Variants in AGK observed in about 807,000 individuals in gnomAD.
AGK encodes acylglycerol kinase.
A neutral mutation model predicts 66.4 loss-of-function variants in AGK; 52 were observed. The ratio of observed to expected loss-of-function variants is 0.78; its 90% confidence interval spans 0.63 to 0.99. AGK has a LOEUF of 0.99. Among genes scored for constraint, AGK ranks in the 50% least tolerant of loss-of-function variants. The pLI is 0.00. For synonymous variants in AGK, 182 were observed against 181.1 expected (o/e 1.00, Z -0.04); for missense variants, 451 against 506.6 (o/e 0.89, Z 1.05).
At position 141,649,629 on chromosome 7, in the gene AGK, C is replaced by G. The variant is rs568316149; in HGVS notation, c.1046+296C>G. On this transcript the variant is annotated intron_variant, in intron 14 of 15. Coordinates refer to ENST00000649286, the MANE Select transcript of AGK (RefSeq NM_018238.4). ...GAACTTTGGTTTCAGGGTCAAAGAG[C>G]TGAATGCAAATTTTGATTCTGCCAC... Among the ~76,000 whole-genome samples the G allele has an allele frequency of 4.6e-5, 7 of 152,330 alleles. No individual in the cohort carries two copies. The East Asian group carries it at 7.7e-4, about 17-fold the overall frequency.
chr7:141,638,182 T>C (rs970341546), intron 11 of AGK, among the ~76,000 whole-genome samples: 13 of 152,056 alleles, frequency 8.5e-5, no homozygotes, highest in African/African-American at 2.7e-4. Context: ...AAATCAGCAG[T>C]TTGGCAAGTG....
chr7:141,593,132 G>T lies in AGK; in HGVS notation c.102-14G>T. 1 of 1,608,554 alleles carries T rather than the reference G, an allele frequency of 6.2e-7. No homozygotes were observed. The highest frequency in any genetic ancestry group is 8.5e-7 in the Non-Finnish European group (1 of 1,177,154). ...TTAAAGCTAATGATTATTCTCTTTT[G>T]CTTACTTTGATAGTGATAACCTCCT... On this transcript the variant is annotated splice_polypyrimidine_tract_variant and intron_variant, in intron 2 of 15. Coordinates refer to ENST00000649286, the MANE Select transcript of AGK (RefSeq NM_018238.4).
At chr7:141,599,263 A>G (rs1693987040) in intron 4 of AGK, 1 of 152,156 alleles carries the variant, frequency 6.6e-6, no homozygotes, top group Non-Finnish European at 1.5e-5. Context: ...AAGAAATAAG[A>G]TAACTGTGTG....
In AGK at chr7:141,580,436, G is replaced by A. The variant is rs546499557; in HGVS notation, c.102-12710G>A. ...TGGGGAAATTGGGTGAATGTCAGGT[G>A]GATCAGAGAGATACAGTCATGGGGG... On this transcript the variant is annotated intron_variant, in intron 2 of 15. Coordinates refer to ENST00000649286, the MANE Select transcript of AGK (RefSeq NM_018238.4). 6.6e-5 allele frequency among the ~76,000 whole-genome samples: 10 copies of A among 152,110 alleles called. No homozygotes were observed. The South Asian group carries it at 2.1e-3, about 32-fold the overall frequency.
intron 8 of AGK, among the ~76,000 whole-genome samples, chr7:141,617,222 T>C (rs1796726055): frequency 6.6e-6 from 1 of 152,166 alleles, no homozygotes; most frequent in South Asian, 2.1e-4. Context: ...CATATGTCAT[T>C]GATCCAAGGG....
chr7:141,615,612 G>A lies in AGK; in HGVS notation c.518+47G>A, dbSNP rs1796687053. On this transcript the variant is annotated intron_variant, in intron 8 of 15. Transcript: ENST00000649286. Reference sequence around the variant, plus strand: ...TTAGCATTTGTGGGTGAGCGAGACTGGGAATGAAAAATTTATGTGTATGCT... The same window carrying A: ...TTAGCATTTGTGGGTGAGCGAGACTAGGAATGAAAAATTTATGTGTATGCT... The A allele has an allele frequency of 4.8e-6, 7 of 1,472,374 alleles. No individual in the cohort carries two copies. The Middle Eastern group carries it at 5.2e-4, about 110-fold the overall frequency. 91.2% of individuals were successfully genotyped at this position (1,472,374 alleles called of 1,614,324 possible).
chr7:141,567,084 T>G (rs1157134877), intron 2 of AGK, among the ~76,000 whole-genome samples: 1 of 152,214 alleles, frequency 6.6e-6, no homozygotes, highest in African/African-American at 2.4e-5. Context: ...TCTTGGCCCA[T>G]ATCCTTTTAG....
intron 5 of AGK, among the ~76,000 whole-genome samples, chr7:141,603,758 C>T (rs1398181097): frequency 3.0e-4 from 45 of 152,126 alleles, no homozygotes; most frequent in Admixed American, 2.9e-3. Flanking sequence ...CTCACGTCTC[C>T]AAGTTGATGC....
intron 13 of AGK, among the ~76,000 whole-genome samples, chr7:141,642,798 T>C (rs146769930): frequency 1.2e-3 from 180 of 152,334 alleles, no homozygotes; most frequent in Non-Finnish European, 2.2e-3. Flanking sequence ...TTCACAAATA[T>C]ATTGTCTGTG....
chr7:141,557,078 C>T (rs1412478739), intron 2 of AGK, among the ~76,000 whole-genome samples: 1 of 152,142 alleles, frequency 6.6e-6, no homozygotes, highest in Non-Finnish European at 1.5e-5. Context: ...TAAATGACTG[C>T]TTTGTTGAAC....
chr7:141,615,416 T>G (rs1409043614), intron 7 of AGK, 55 bp from the exon 8 acceptor site: 37 of 1,468,220 alleles, frequency 2.5e-5, no homozygotes, highest in Non-Finnish European at 3.4e-5. Flanking sequence ...GCTTCTCCAT[T>G]AAGCCTGATT....
At chr7:141,563,330 C>CTGAA (rs750758192) in intron 2 of AGK, among the ~76,000 whole-genome samples, 2 of 152,210 alleles carry the variant, frequency 1.3e-5, no homozygotes, top group Non-Finnish European at 2.9e-5. Context: ...TCTCCTGGCC[C>CTGAA]TTCAGTAGCT....
intron 2 of AGK, among the ~76,000 whole-genome samples, chr7:141,580,737 G>T (rs1329442042): frequency 6.6e-6 from 1 of 152,040 alleles, no homozygotes; most frequent in Non-Finnish European, 1.5e-5. Flanking sequence ...AAAACAGTAA[G>T]GTCAAGTTGT....
At chr7:141,632,756 C>T (rs911604450) in intron 9 of AGK, among the ~76,000 whole-genome samples, 13 of 152,228 alleles carry the variant, frequency 8.5e-5, no homozygotes, top group African/African-American at 3.1e-4. Flanking sequence ...TCCCTTGTCC[C>T]TTACTAAAGC....
At chr7:141,569,441 G>A (rs1015246046) in intron 2 of AGK, among the ~76,000 whole-genome samples, 2 of 152,144 alleles carry the variant, frequency 1.3e-5, no homozygotes, top group Non-Finnish European at 2.9e-5. Context: ...GGTTGAGGCA[G>A]GAGAATTGTT....
Position 141,641,837 on chromosome 7 carries a change from G to A in AGK, c.904G>A (p.Val302Ile). 1 of 1,584,106 alleles carries A rather than the reference G, an allele frequency of 6.3e-7. No homozygotes were observed. Among genetic ancestry groups the A allele is most frequent in the Non-Finnish European group, 8.6e-7 (1 of 1,164,272 alleles). ...DALSQEVSPE[V>I]WKDVQLSTIE... ...CCTTTCCCAAGAGGTGAGCCCGGAG[G>A]TCTGGAAAGATGTGCAGCTGTCCAC... The change falls in exon 13 of 16, where the codon GTC (valine) becomes ATC (isoleucine). Residue 302 changes from valine (V) to isoleucine (I), a missense_variant. Physicochemically the swap from Val to Ile is conservative, Grantham distance 29. Transcript: ENST00000649286.
intron 2 of AGK, among the ~76,000 whole-genome samples, chr7:141,580,602 A>G (rs1453848976): frequency 1.3e-5 from 2 of 152,032 alleles, no homozygotes; most frequent in Non-Finnish European, 2.9e-5. Context: ...GGTGTGAGGA[A>G]GAAAATAGAT....
In AGK at chr7:141,598,591, G is replaced by A. The variant is rs1325294431; in HGVS notation, c.221+1950G>A. Among the ~76,000 whole-genome samples, 1 of 152,186 alleles carries A rather than the reference G, an allele frequency of 6.6e-6. No homozygotes were observed. Among genetic ancestry groups the A allele is most frequent in the East Asian group, 1.9e-4 (1 of 5,194 alleles). On this transcript the variant is annotated intron_variant, in intron 4 of 15. Coordinates refer to ENST00000649286, the MANE Select transcript of AGK (RefSeq NM_018238.4). This position sits in a 1 kb window ranked among gnomAD's most constrained non-coding sequence, Gnocchi z 4.2. ...GGAATAGGGACCTTTGGTATTAAAT[G>A]AGATAATGCTTATTAGGCACTATTT...
intron 2 of AGK, among the ~76,000 whole-genome samples, chr7:141,560,266 C>T (rs2116854094): frequency 1.3e-5 from 2 of 151,758 alleles, no homozygotes; most frequent in East Asian, 1.9e-4. Context: ...TTGTTGCCCT[C>T]CCTCCGTTTT....
Sources: gnomAD v4.1 joint callset for allele counts (sites outside exome capture counted in the v4.1 genomes callset) on GRCh38, gnomAD v4.1.1 for gene constraint, Gnocchi (gnomAD v3.1) non-coding constraint, MANE v1.5 for transcripts, NCBI Gene and HGNC (gene_info 2026-07-23, HGNC 2026-07-21) for gene names.